CELF4: variants seen among roughly 807,000 people sequenced by gnomAD.
CELF4 encodes CUG-BP- and ETR-3-like factor 4.
A neutral mutation model predicts 59.9 loss-of-function variants in CELF4; 18 were observed. That is an observed-to-expected ratio of 0.30 (90% CI 0.21 to 0.45). The LOEUF is 0.45. CELF4 is among the 20% of genes least tolerant of loss of function. The pLI, the probability that CELF4 is intolerant of heterozygous loss-of-function variation, is 1.00. For missense variants in CELF4, 456 were observed against 689.0 expected (o/e 0.66, Z 3.79); for synonymous variants, 261 against 267.1 (o/e 0.98, Z 0.22).
chr18:37,380,855 T>TATCC (rs775347278), intron 2 of CELF4, among the ~76,000 whole-genome samples: 2 of 135,898 alleles, frequency 1.5e-5, no homozygotes, highest in African/African-American at 2.8e-5. Flanking sequence ...TCCATCCATT[T>TATCC]ATCCATCCAT....
At chr18:37,492,490 T>G (rs1324127243) in intron 1 of CELF4, among the ~76,000 whole-genome samples, 1 of 152,168 alleles carries the variant, frequency 6.6e-6, no homozygotes, top group Non-Finnish European at 1.5e-5. Context: ...AGAGGGTTAC[T>G]GATGTTCTGA....
At chr18:37,270,681 CCA>C (rs1312452034) in intron 8 of CELF4, 85 bp downstream of exon 8, 1 of 1,500,138 alleles carries the variant, frequency 6.7e-7, no homozygotes, top group African/African-American at 1.4e-5. Context: ...AGGGCAGGAG[CCA>C]CATCTTGTTA....
chr18:37,506,761 G>A (rs2154604119), intron 1 of CELF4, among the ~76,000 whole-genome samples: 1 of 152,306 alleles, frequency 6.6e-6, no homozygotes, highest in South Asian at 2.1e-4. Flanking sequence ...ACGCAATGTG[G>A]CGCTTCCCTG....
At chr18:37,547,160 G>GGTGTGCGTGTGTGTGT (rs2099981692) in intron 1 of CELF4, among the ~76,000 whole-genome samples, 2 of 144,170 alleles carry the variant, frequency 1.4e-5, no homozygotes, top group Admixed American at 1.4e-4. Flanking sequence ...GTGTGTGTGT[G>GGTGTGCGTGTGTGTGT]GTGTGTGTGT....
At chr18:37,337,142 G>A (rs2097796758) in intron 2 of CELF4, among the ~76,000 whole-genome samples, 1 of 151,684 alleles carries the variant, frequency 6.6e-6, no homozygotes, top group Non-Finnish European at 1.5e-5. Flanking sequence ...ACACTGGTCA[G>A]AAACAGGCCT....
chr18:37,357,131 G>T (rs2098603057), intron 2 of CELF4, among the ~76,000 whole-genome samples: 2 of 152,230 alleles, frequency 1.3e-5, no homozygotes, highest in Non-Finnish European at 2.9e-5. Context: ...TTGGAAGAGG[G>T]TCTAGCAGCA....
chr18:37,383,023 CAT>C (rs2099058577), intron 2 of CELF4, among the ~76,000 whole-genome samples: 41 of 150,396 alleles, frequency 2.7e-4, no homozygotes, highest in African/African-American at 1.0e-3. Context: ...ATAGTACATA[CAT>C]GTATGTATGT....
chr18:37,524,702 C>G (rs901915695), intron 1 of CELF4, among the ~76,000 whole-genome samples: 1 of 152,236 alleles, frequency 6.6e-6, no homozygotes. Flanking sequence ...AATTACCGAG[C>G]CATTAAGGGC....
intron 1 of CELF4, among the ~76,000 whole-genome samples, chr18:37,493,144 TCCTCTTGCTTCTCC>T (rs1478501298): frequency 2.6e-5 from 4 of 152,134 alleles, no homozygotes; most frequent in Admixed American, 6.6e-5. Flanking sequence ...ATTTCTGACT[TCCTCTTGCTTCTCC>T]ACCCCCATGG....
chr18:37,459,932 A>C lies in CELF4; in HGVS notation c.369+25593T>G, dbSNP rs1363097917. On this transcript the variant is annotated intron_variant, in intron 2 of 12. Transcript: ENST00000420428. Reference sequence around the variant, plus strand: ...CCTTGGAAGGCAGAGTTTGAATGGCATGATGTGCAGTTTATCATATTGAAA... The same window carrying C: ...CCTTGGAAGGCAGAGTTTGAATGGCCTGATGTGCAGTTTATCATATTGAAA... Among the ~76,000 whole-genome samples the C allele has an allele frequency of 2.6e-5, 4 of 152,248 alleles. No homozygotes were observed. In the East Asian group the frequency reaches 7.7e-4, roughly 29 times the overall value.
At chr18:37,527,535 A>C (rs1241248070) in intron 1 of CELF4, among the ~76,000 whole-genome samples, 2 of 152,184 alleles carry the variant, frequency 1.3e-5, no homozygotes, top group African/African-American at 2.4e-5. Context: ...CTACTTAGTG[A>C]AGCTGCTGGG....
At chr18:37,524,285 C>T (rs2099960967) in intron 1 of CELF4, among the ~76,000 whole-genome samples, 1 of 152,076 alleles carries the variant, frequency 6.6e-6, no homozygotes, top group Non-Finnish European at 1.5e-5. Flanking sequence ...TTGGTGCTGG[C>T]GGGTGGGTGG....
At chr18:37,290,608 A>G (rs1462181410) in intron 3 of CELF4, among the ~76,000 whole-genome samples, 1 of 152,160 alleles carries the variant, frequency 6.6e-6, no homozygotes, top group Admixed American at 6.5e-5. Context: ...AAGAGCGCAC[A>G]TTACCTATCT....
intron 2 of CELF4, among the ~76,000 whole-genome samples, chr18:37,393,059 TGCG>T (rs2099184089): frequency 2.4e-5 from 1 of 41,122 alleles, no homozygotes; most frequent in Admixed American, 2.5e-4. Context: ...ACACAGGGAC[TGCG>T]GTGTGTTAGA....
At chr18:37,252,948 T>A (rs1406227106) in intron 12 of CELF4, among the ~76,000 whole-genome samples, 1 of 152,014 alleles carries the variant, frequency 6.6e-6, no homozygotes, top group Non-Finnish European at 1.5e-5. Context: ...AAGCCGAGGC[T>A]GCAAGAGCCA....
At chr18:37,332,905 T>C (rs958301669) in intron 2 of CELF4, among the ~76,000 whole-genome samples, 16 of 152,198 alleles carry the variant, frequency 1.1e-4, no homozygotes, top group Admixed American at 8.5e-4. Context: ...ACGTCCATCT[T>C]GCTGCTCCTG....
Position 37,393,821 on chromosome 18 carries a change from A to G in CELF4, c.370-71940T>C, listed in dbSNP as rs1312916986. On this transcript the variant is annotated intron_variant, in intron 2 of 12. Transcript: ENST00000420428. ...CACACTTGACAGCGACAAATGCTAC[A>G]CTCAAATGAAATTAAGTGATATTCC... Among the ~76,000 whole-genome samples the G allele has an allele frequency of 2.0e-5, 3 of 149,096 alleles. No homozygotes were observed. The South Asian group carries it at 6.4e-4, about 32-fold the overall frequency.
chr18:37,477,481 T>G (rs1603642165), intron 2 of CELF4, among the ~76,000 whole-genome samples: 1 of 152,026 alleles, frequency 6.6e-6, no homozygotes, highest in East Asian at 1.9e-4. Context: ...GAAGCCTGGG[T>G]GGTTTGCAGG....
intron 2 of CELF4, among the ~76,000 whole-genome samples, chr18:37,427,078 TGGC>T: frequency 6.7e-6 from 1 of 149,248 alleles, no homozygotes; most frequent in Non-Finnish European, 1.5e-5. Context: ...AAGCCCACCA[TGGC>T]AGCAGCATAG....
Sources: gnomAD v4.1 joint callset for allele counts (sites outside exome capture counted in the v4.1 genomes callset) on GRCh38, gnomAD v4.1.1 for gene constraint, MANE v1.5 for transcripts, NCBI Gene and HGNC (gene_info 2026-07-23, HGNC 2026-07-21) for gene names.